Variants in NSD3 observed in about 807,000 individuals in gnomAD.
The protein encoded by NSD3 is nuclear receptor binding SET domain protein 3, also known as histone-lysine N-methyltransferase NSD3.
NSD3 carries 24 observed loss-of-function variants against 160.8 expected under a neutral mutation model. The ratio of observed to expected loss-of-function variants is 0.15; its 90% CI spans 0.11 to 0.21. The LOEUF (loss-of-function observed/expected upper bound fraction) is 0.21, where lower values mean the gene tolerates loss of function less well. NSD3 is among the 10% of genes least tolerant of loss of function. NSD3 has a pLI of 1.00. For missense variants in NSD3, 1,157 were observed against 1,735.9 expected, an observed-to-expected ratio of 0.67 and a Z score of 5.93; for synonymous variants, 520 against 600.0, an observed-to-expected ratio of 0.87 and a Z score of 1.95.
chr8:38,281,320 T>A (rs1352264088), intron 20 of NSD3, 147 bp downstream of exon 20: 1 of 385,730 alleles, frequency 2.6e-6, no homozygotes, highest in Non-Finnish European at 4.6e-6. Context: ...AATTGGCACA[T>A]TATAGTAGGC....
chr8:38,377,440 C>T lies in NSD3; in HGVS notation c.-45+4359G>A, dbSNP rs1811421838. Among the ~76,000 whole-genome samples the T allele has an allele frequency of 2.0e-5, 3 of 152,276 alleles. No individual in the cohort carries two copies. In the South Asian group the frequency reaches 6.2e-4, roughly 32 times the overall value. On this transcript the variant is annotated intron_variant, in intron 1 of 23. Transcript: ENST00000317025. ...CTCAGCTTACTGCGGCTTTCCCCCT[C>T]GGGGTTCAGGCAGTTCTCCCATCTC...
intron 4 of NSD3, 152 bp from the exon 5 acceptor site, chr8:38,331,737 T>C (rs1277434364): frequency 4.9e-5 from 34 of 699,116 alleles, no homozygotes; most frequent in Non-Finnish European, 2.2e-6. Context: ...TACCCACCAG[T>C]TATAGAACTA....
At chr8:38,280,511 G>C (rs1585850963) in intron 20 of NSD3, among the ~76,000 whole-genome samples, 2 of 152,292 alleles carry the variant, frequency 1.3e-5, no homozygotes, top group African/African-American at 4.8e-5. Flanking sequence ...CTCAGTTATA[G>C]AGATATGATA....
intron 7 of NSD3, among the ~76,000 whole-genome samples, chr8:38,322,474 C>A (rs1390631794): frequency 6.6e-6 from 1 of 152,086 alleles, no homozygotes; most frequent in Non-Finnish European, 1.5e-5. Flanking sequence ...TATTCAACTA[C>A]TACTAGGAAG....
chr8:38,291,738 A>C (rs1809001105), intron 16 of NSD3, among the ~76,000 whole-genome samples: 1 of 152,248 alleles, frequency 6.6e-6, no homozygotes, highest in Non-Finnish European at 1.5e-5. Context: ...ATATGTATAC[A>C]GTTACTGCCT....
At chr8:38,374,858 G>C (rs1811349462) in intron 1 of NSD3, among the ~76,000 whole-genome samples, 1 of 152,040 alleles carries the variant, frequency 6.6e-6, no homozygotes, top group Non-Finnish European at 1.5e-5. Context: ...CAAAAAATTA[G>C]CCGGGCGTGC....
chr8:38,366,876 T>C (rs1050003139), intron 1 of NSD3, among the ~76,000 whole-genome samples: 11 of 152,194 alleles, frequency 7.2e-5, no homozygotes, highest in African/African-American at 2.7e-4. Flanking sequence ...TGGCTAAGGT[T>C]ACCATATTGG....
chr8:38,295,143 CAAAAAA>C (rs746596031), intron 16 of NSD3, among the ~76,000 whole-genome samples: 2 of 35,324 alleles, frequency 5.7e-5, no homozygotes, highest in Admixed American at 3.0e-4. Flanking sequence ...CACTCCGTCT[CAAAAAA>C]AAAAAAAAAA....
intron 14 of NSD3, among the ~76,000 whole-genome samples, chr8:38,302,817 T>C (rs1213105861): frequency 2.6e-5 from 4 of 152,162 alleles, no homozygotes; most frequent in African/African-American, 9.7e-5. Context: ...TTATGTTTTG[T>C]AGAGATGGGG....
At chr8:38,309,237 G>A (rs183720055) in intron 12 of NSD3, among the ~76,000 whole-genome samples, 10 of 152,246 alleles carry the variant, frequency 6.6e-5, no homozygotes, top group African/African-American at 2.2e-4. Flanking sequence ...GGAGGGCAAG[G>A]CAGGTGGATC....
rs1809759321 is a variant in NSD3, at chr8:38,319,986, T to A, written c.1810-1046A>T. The A allele has an allele frequency of 6.6e-6, 1 of 152,166 alleles. No individual in the cohort carries two copies. Among genetic ancestry groups the A allele is most frequent in the Non-Finnish European group, 1.5e-5 (1 of 68,018 alleles). 9.4% of individuals were successfully genotyped at this position (152,166 alleles called of 1,614,324 possible). On this transcript the variant is annotated intron_variant, in intron 8 of 23. Transcript: ENST00000317025. This position sits in a 1 kb window ranked among gnomAD's most constrained non-coding sequence, Gnocchi z 4.1. The stretch of plus-strand genomic sequence containing the variant: ...TCACAGACTGATTTTGGGAACCAGC[T>A]GGCAAAATCACAACTTCATTTTGGT...
At position 38,275,617 on chromosome 8, in the gene NSD3, T is replaced by A. The variant is rs745411594; in HGVS notation, c.*24A>T. ...GATCTATTTGCTTTTTTCACTTAAA[T>A]AGAAAGGAGGGGACACCACACATTT... is the stretch of plus-strand genomic sequence containing the variant. On this transcript the variant is annotated 3_prime_UTR_variant, in exon 24 of 24. Coordinates refer to ENST00000317025, the MANE Select transcript of NSD3 (RefSeq NM_023034.2). The A allele has an allele frequency of 6.3e-7, 1 of 1,596,804 alleles. No homozygotes were observed. The highest frequency in any genetic ancestry group is 1.7e-5 in the Admixed American group (1 of 57,898).
chr8:38,291,570 C>T (rs1314873021), intron 16 of NSD3, among the ~76,000 whole-genome samples: 2 of 152,180 alleles, frequency 1.3e-5, no homozygotes, highest in Non-Finnish European at 2.9e-5. Context: ...AAAGTGTCAC[C>T]TGAAAGGTAC....
Position 38,271,159 on chromosome 8 carries a change from A to G in NSD3, c.*4482T>C, listed in dbSNP as rs1808461327. ...CAAATGTGTTCAATCAATCTGAGCT[A>G]TCTACTGTGAACACTCTCCCATTTG... On this transcript the variant is annotated 3_prime_UTR_variant, in exon 24 of 24. Coordinates refer to ENST00000317025, the MANE Select transcript of NSD3 (RefSeq NM_023034.2). 1 of 152,224 alleles carries G rather than the reference A, an allele frequency of 6.6e-6. No homozygotes were observed. The highest frequency in any genetic ancestry group is 2.4e-5 in the African/African-American group (1 of 41,460). The allele number at this position is 152,224 out of a possible 1,614,324, so 9.4% of individuals were successfully genotyped here. A position where few individuals can be genotyped will look rare whatever the true frequency, so the allele number is the denominator to read the frequency against.
In NSD3 at chr8:38,288,816, C is replaced by A; in HGVS notation, c.3232-60G>T. ...CAGGTAAGTCATCTGGCAATGTGAA[C>A]AGGAACATCTAAAACATCCACGCTA... On this transcript the variant is annotated intron_variant, in intron 18 of 23. Coordinates refer to ENST00000317025, the MANE Select transcript of NSD3 (RefSeq NM_023034.2). This position sits in a 1 kb window ranked among gnomAD's most constrained non-coding sequence, Gnocchi z 4.5. The A allele has an allele frequency of 3.8e-6, 6 of 1,582,702 alleles. No homozygotes were observed. Among genetic ancestry groups the A allele is most frequent in the South Asian group, 1.2e-5 (1 of 85,612 alleles).
chr8:38,292,945 C>G (rs1483760207), intron 16 of NSD3, among the ~76,000 whole-genome samples: 2 of 151,188 alleles, frequency 1.3e-5, no homozygotes, highest in East Asian at 2.0e-4. Flanking sequence ...GCACTCCAGC[C>G]TGGGCGACAG....
Position 38,314,763 on chromosome 8 carries a change from C to T in NSD3, c.2126G>A (p.Ser709Asn). Residue 709 changes from serine to asparagine, a missense_variant, in exon 12 of 24, where the codon AGC becomes AAC. Transcript: ENST00000317025. ...KKDTVCQICE[S>N]SGDSLIPCEG... Reference sequence around the variant, plus strand: ...ACAAGGAATCAGAGAGTCACCAGAGCTTTCACAAATCTGTAATATGGCAAA... The same window carrying T: ...ACAAGGAATCAGAGAGTCACCAGAGTTTTCACAAATCTGTAATATGGCAAA... 1 of 1,613,930 alleles carries T rather than the reference C, an allele frequency of 6.2e-7. No individual in the cohort carries two copies. Among genetic ancestry groups the T allele is most frequent in the East Asian group, 2.2e-5 (1 of 44,868 alleles).
At chr8:38,275,921 C>T (rs1808590532) in intron 23 of NSD3, 39 bp from the exon 24 acceptor site, 4 of 1,567,470 alleles carry the variant, frequency 2.6e-6, no homozygotes, top group Middle Eastern at 1.7e-4. Flanking sequence ...GAGAAGTGCC[C>T]AAGTTAGTGC....
Position 38,338,551 on chromosome 8 carries a change from T to C in NSD3, c.732A>G (p.Leu244=), listed in dbSNP as rs766121538. 6.2e-7 allele frequency: 1 copy of C among 1,613,936 alleles called. No individual in the cohort carries two copies. Among genetic ancestry groups the C allele is most frequent in the Non-Finnish European group, 8.5e-7 (1 of 1,179,874 alleles). ...VSEKPREEPV[L]KEEAPVQPIL... ...AACAACTTACTGGGGCTTCCTCTTT[T>C]AGTACTGGTTCTTCCCTTGGTTTTT... Residue 244 remains leucine, a synonymous_variant, in exon 3 of 24, where the codon CTA becomes CTG. Transcript: ENST00000317025.
Sources: gnomAD v4.1 joint callset for allele counts (sites outside exome capture counted in the v4.1 genomes callset) on GRCh38, gnomAD v4.1.1 for gene constraint, Gnocchi (gnomAD v3.1) non-coding constraint, MANE v1.5 for transcripts, NCBI Gene and HGNC (gene_info 2026-07-23, HGNC 2026-07-21) for gene names.